Variants in KPNA3 observed in about 807,000 individuals in gnomAD.
KPNA3 encodes importin subunit alpha-4.
Under a neutral mutation model 73.8 loss-of-function variants are expected in KPNA3, and 13 were observed. The observed-to-expected ratio is 0.18, with a 90% CI of 0.11 to 0.28. The LOEUF is 0.28. Ranked by LOEUF, KPNA3 falls within the 10% of genes least tolerant of loss-of-function variation. The probability of loss-of-function intolerance (pLI) is 1.00; values close to 1 mark genes in which losing one functional copy is unlikely to be tolerated. For missense variants in KPNA3, 360 were observed against 618.1 expected, an observed-to-expected ratio of 0.58 and a Z score of 4.43; for synonymous variants, 186 against 206.9, an observed-to-expected ratio of 0.90 and a Z score of 0.87.
intron 1 of KPNA3, among the ~76,000 whole-genome samples, chr13:49,787,106 G>C (rs1015853546): frequency 6.6e-6 from 1 of 152,208 alleles, no homozygotes; most frequent in Non-Finnish European, 1.5e-5. Flanking sequence ...AGCACTGGAG[G>C]TTCCAGAGAC....
Position 49,705,768 on chromosome 13 carries a change from G to A in KPNA3, c.1225C>T (p.Gln409Ter). Reference protein sequence around the residue: ...GRKDQVEYLVQQNVIPPFCNL... With the variant: ...GRKDQVEYLV ...CAGAACGGTGGTATTACATTCTGCT[G>A]TACAAGGTACTCAACCTAGACAACA... The change falls in exon 15 of 17, where the codon CAG (glutamine) becomes TAG (stop). Residue 409 changes from glutamine to a stop codon, truncating the protein, a stop_gained. Coordinates refer to ENST00000261667, the MANE Select transcript of KPNA3 (RefSeq NM_002267.4). LOFTEE classifies it high-confidence loss of function. The A allele has an allele frequency of 6.2e-7, 1 of 1,609,156 alleles. No homozygotes were observed. The highest frequency in any genetic ancestry group is 8.5e-7 in the Non-Finnish European group (1 of 1,177,466).
rs202115978 is a variant in KPNA3 at position 49,721,985 on chromosome 13, A to T, written c.696T>A (p.Asp232Glu). The change falls in exon 9 of 17, where the codon GAT (aspartate) becomes GAA (glutamate). Residue 232 changes from aspartate (D) to glutamate (E), a missense_variant. Physicochemically the swap from Asp to Glu is conservative, Grantham distance 45. This residue lies in a region of KPNA3 where 287 missense variants were observed against 549.1 expected (regional missense o/e 0.52). Coordinates refer to ENST00000261667, the MANE Select transcript of KPNA3 (RefSeq NM_002267.4). ...GAACTGTCTCCATAGGCGGCGGGGG[A>T]TCCTTATTCCTGCAGAGATTGACAA... The part of the protein sequence containing the change: ...WVIVNLCRNK[D>E]PPPPMETVQE... 9 of 1,602,424 alleles carry T rather than the reference A, an allele frequency of 5.6e-6. No homozygotes were observed. The highest frequency in any genetic ancestry group is 7.7e-6 in the Non-Finnish European group (9 of 1,174,552).
rs146111467 is a variant in KPNA3 at position 49,788,123 on chromosome 13, T to C, written c.69+4315A>G. Among the ~76,000 whole-genome samples, 459 of 152,342 alleles carry C rather than the reference T, an allele frequency of 3.0e-3. 1 individual carries two copies. The highest frequency in any genetic ancestry group is 0.011 in the African/African-American group (439 of 41,556). On this transcript the variant is annotated intron_variant, in intron 1 of 16. Transcript: ENST00000261667. ...GGATAATAATAGTACTTACTTGATA[T>C]AGGACTGTTGTGAAGATTAAATAGA...
chr13:49,769,167 T>C (rs1954833773), intron 1 of KPNA3, among the ~76,000 whole-genome samples: 1 of 152,222 alleles, frequency 6.6e-6, no homozygotes, highest in Admixed American at 6.5e-5. Flanking sequence ...TATTGCACCA[T>C]TACTAGAAGC....
chr13:49,710,202 C>A (rs552993867), intron 11 of KPNA3, among the ~76,000 whole-genome samples: 16 of 152,262 alleles, frequency 1.1e-4, no homozygotes, highest in African/African-American at 2.2e-4. Flanking sequence ...GCAGAGGCTG[C>A]GGTGAGCAGA....
At chr13:49,713,297 AACAC>A (rs35263412) in intron 10 of KPNA3, among the ~76,000 whole-genome samples, 75 of 148,488 alleles carry the variant, frequency 5.1e-4, no homozygotes, top group African/African-American at 1.3e-3. Context: ...GCAGAGAATA[AACAC>A]ACACACACAC....
chr13:49,780,993 T>C (rs1298572717), intron 1 of KPNA3, among the ~76,000 whole-genome samples: 1 of 152,162 alleles, frequency 6.6e-6, no homozygotes, highest in Non-Finnish European at 1.5e-5. Flanking sequence ...AGTGCTGGGA[T>C]TACAGGTGTA....
chr13:49,750,067 A>G (rs976011521), intron 1 of KPNA3, among the ~76,000 whole-genome samples: 5 of 152,158 alleles, frequency 3.3e-5, no homozygotes, highest in African/African-American at 4.8e-5. Context: ...CTCCTAATCT[A>G]TAAGTCATTC....
intron 10 of KPNA3, among the ~76,000 whole-genome samples, chr13:49,718,945 T>C (rs1594434213): frequency 6.8e-6 from 1 of 146,610 alleles, no homozygotes; most frequent in African/African-American, 2.5e-5. Flanking sequence ...CACATATGTA[T>C]GTACATGTTA....
In KPNA3 at chr13:49,704,431, TAAAA is replaced by T. The variant is rs76079319; in HGVS notation, c.1372+1186_1372+1189del. On this transcript the variant is annotated intron_variant, in intron 15 of 16. Transcript: ENST00000261667. ...CTGTCTCAAAAAAAAAATAAATAAA[TAAAA>T]AATAAATAAATAAATAAATAAATAA... Among the ~76,000 whole-genome samples the T allele has an allele frequency of 5.7e-5, 3 of 52,376 alleles. 1 individual carries two copies. Among genetic ancestry groups the T allele is most frequent in the African/African-American group, 7.5e-5 (1 of 13,404 alleles). The allele number at this position is 52,376 out of a possible 152,430, so 34.4% of individuals were successfully genotyped here. A position where few individuals can be genotyped will look rare whatever the true frequency, so the allele number is the denominator to read the frequency against.
rs140134178 is a variant in KPNA3, at chr13:49,788,292, T to C, written c.69+4146A>G. 3.9e-3 allele frequency among the ~76,000 whole-genome samples: 597 copies of C among 152,370 alleles called. 4 individuals carry two copies. The highest frequency in any genetic ancestry group is 0.014 in the African/African-American group (562 of 41,592). On this transcript the variant is annotated intron_variant, in intron 1 of 16. Coordinates refer to ENST00000261667, the MANE Select transcript of KPNA3 (RefSeq NM_002267.4). ...AAAATGAGTTGACCTGGATTGCAGT[T>C]ACCTGAGCATTTGTTTTGTAATTAT...
intron 1 of KPNA3, among the ~76,000 whole-genome samples, chr13:49,784,640 C>G (rs1035886995): frequency 6.6e-6 from 1 of 152,168 alleles, no homozygotes; most frequent in African/African-American, 2.4e-5. Context: ...CCTTAATCTC[C>G]CAGAACTTTA....
chr13:49,730,235 C>A (rs1001859271), intron 6 of KPNA3, among the ~76,000 whole-genome samples: 7 of 152,116 alleles, frequency 4.6e-5, no homozygotes, highest in African/African-American at 1.4e-4. Flanking sequence ...AAGTTGGCCA[C>A]AAACAAGGGG....
intron 1 of KPNA3, among the ~76,000 whole-genome samples, chr13:49,790,461 G>C (rs1251348843): frequency 6.6e-6 from 1 of 152,150 alleles, no homozygotes; most frequent in Non-Finnish European, 1.5e-5. Flanking sequence ...GCAAGACTCC[G>C]TCTCAAAAAA....
intron 2 of KPNA3, among the ~76,000 whole-genome samples, chr13:49,736,821 T>C (rs755788607): frequency 1.1e-4 from 17 of 152,122 alleles, no homozygotes; most frequent in Non-Finnish European, 2.5e-4. Flanking sequence ...ATAAGCAAAA[T>C]CAACTCCTTC....
intron 1 of KPNA3, among the ~76,000 whole-genome samples, 167 bp downstream of exon 1, chr13:49,792,271 G>T (rs1955040360): frequency 6.6e-6 from 1 of 151,154 alleles, no homozygotes. Context: ...CCCGGCCGGC[G>T]TCTCGCCGCC....
intron 10 of KPNA3, among the ~76,000 whole-genome samples, chr13:49,712,581 C>T (rs964125008): frequency 3.3e-5 from 5 of 151,250 alleles, no homozygotes; most frequent in African/African-American, 1.2e-4. Flanking sequence ...CTTCAGAGAC[C>T]CTACAAGGAA....
At chr13:49,771,165 A>G (rs1954852563) in intron 1 of KPNA3, among the ~76,000 whole-genome samples, 1 of 151,900 alleles carries the variant, frequency 6.6e-6, no homozygotes, top group Non-Finnish European at 1.5e-5. Context: ...AGCCAAAAGA[A>G]AAGAATAGAA....
intron 1 of KPNA3, among the ~76,000 whole-genome samples, chr13:49,755,056 A>T (rs1954698872): frequency 6.6e-6 from 1 of 152,076 alleles, no homozygotes; most frequent in Non-Finnish European, 1.5e-5. Flanking sequence ...AAACCAGAAA[A>T]GACAGCATTA....
Sources: allele counts gnomAD v4.1 joint callset (sites outside exome capture counted in the v4.1 genomes callset), GRCh38; gene constraint gnomAD v4.1.1; regional missense constraint gnomAD v4.1.1; transcripts MANE v1.5; gene names NCBI Gene and HGNC (gene_info 2026-07-23, HGNC 2026-07-21).